Variants in SLC6A17 observed in about 807,000 individuals in gnomAD.
The protein encoded by SLC6A17 is solute carrier family 6 member 17.
In SLC6A17, 21 loss-of-function variants were observed where a neutral mutation model predicts 64.5. That is an observed-to-expected ratio of 0.33 (90% CI 0.23 to 0.47). The LOEUF (loss-of-function observed/expected upper bound fraction) is 0.47, where lower values mean the gene tolerates loss of function less well. SLC6A17 is among the 20% of genes least tolerant of loss of function. The probability of loss-of-function intolerance (pLI) is 1.00; values close to 1 mark genes in which losing one functional copy is unlikely to be tolerated. For missense variants in SLC6A17, 682 were observed against 963.2 expected, an observed-to-expected ratio of 0.71 and a Z score of 3.86; for synonymous variants, 372 against 399.5, an observed-to-expected ratio of 0.93 and a Z score of 0.82.
At chr1:110,197,199 C>T (rs1656992007) in intron 10 of SLC6A17, among the ~76,000 whole-genome samples, 1 of 152,170 alleles carries the variant, frequency 6.6e-6, no homozygotes, top group African/African-American at 2.4e-5. Flanking sequence ...GTCTGGTGGG[C>T]CCTATCATAT....
chr1:110,170,752 T>C (rs1656200571), intron 2 of SLC6A17, among the ~76,000 whole-genome samples: 1 of 152,066 alleles, frequency 6.6e-6, no homozygotes, highest in African/African-American at 2.4e-5. Context: ...GCTCGGTGGG[T>C]TGCCTCCCCG....
chr1:110,170,672 G>A (rs1437439874), intron 2 of SLC6A17, among the ~76,000 whole-genome samples: 2 of 152,192 alleles, frequency 1.3e-5, no homozygotes, highest in South Asian at 4.1e-4. Flanking sequence ...CCATGATGGG[G>A]CTGCTTGTTA....
chr1:110,192,841 G>C lies in SLC6A17; in HGVS notation c.1299+143G>C, dbSNP rs1171164191. The C allele has an allele frequency of 2.0e-6, 2 of 985,840 alleles. No individual in the cohort carries two copies. Among genetic ancestry groups the C allele is most frequent in the African/African-American group, 3.3e-5 (2 of 60,802 alleles). 61.1% of individuals were successfully genotyped at this position (985,840 alleles called of 1,614,324 possible). On this transcript the variant is annotated intron_variant, in intron 8 of 11. Transcript: ENST00000331565. The surrounding 1 kb of genome is among the most constrained non-coding windows in gnomAD (Gnocchi z 4.3). ...AGCAAGGATCTGCTGTGTGTCCAGA[G>C]GGAGTGAAAGGGAAGAAAGGTATTG... is the stretch of plus-strand genomic sequence containing the variant.
chr1:110,167,394 C>T (rs939893379), intron 2 of SLC6A17, among the ~76,000 whole-genome samples, 179 bp downstream of exon 2: 3 of 152,132 alleles, frequency 2.0e-5, no homozygotes, highest in Admixed American at 2.0e-4. Context: ...CAAGAGACTA[C>T]AGGACATGAT....
intron 6 of SLC6A17, among the ~76,000 whole-genome samples, chr1:110,179,011 C>T (rs952113270): frequency 6.6e-6 from 1 of 152,166 alleles, no homozygotes; most frequent in East Asian, 1.9e-4. Context: ...TACCTTTAAC[C>T]TTTACATAAA....
At chr1:110,167,243 G>A in intron 2 of SLC6A17, 28 bp downstream of exon 2, 3 of 1,592,204 alleles carry the variant, frequency 1.9e-6, no homozygotes, top group Non-Finnish European at 2.6e-6. Flanking sequence ...CTGCATCAGG[G>A]GTCCCCTGCA....
intron 1 of SLC6A17, among the ~76,000 whole-genome samples, chr1:110,154,038 C>T (rs1321471092): frequency 1.3e-5 from 2 of 152,170 alleles, no homozygotes; most frequent in African/African-American, 4.8e-5. Flanking sequence ...TAAGGAAATG[C>T]CTACTTTGCA....
At position 110,200,168 on chromosome 1, in the gene SLC6A17, T is replaced by C. The variant is rs1657085126; in HGVS notation, c.*1724T>C. 1 of 398,292 alleles carries C rather than the reference T, an allele frequency of 2.5e-6. No individual in the cohort carries two copies. Among genetic ancestry groups the C allele is most frequent in the South Asian group, 1.3e-4 (1 of 7,836 alleles). The allele number at this position is 398,292 out of a possible 1,614,324, so 24.7% of individuals were successfully genotyped here. On this transcript the variant is annotated 3_prime_UTR_variant, in exon 12 of 12. Transcript: ENST00000331565. ...AGACCAGAATCAGGGTCCCCTCCTTTACCCCTGAGTTCCTTACTGTTCCCC... is the reference window on the plus strand; with the variant it reads ...AGACCAGAATCAGGGTCCCCTCCTTCACCCCTGAGTTCCTTACTGTTCCCC...
At chr1:110,151,953 T>A (rs755977669) in intron 1 of SLC6A17, among the ~76,000 whole-genome samples, 37 of 152,176 alleles carry the variant, frequency 2.4e-4, no homozygotes, top group Non-Finnish European at 4.3e-4. Flanking sequence ...CCGGGCATTG[T>A]CCTTGTTAAC....
intron 5 of SLC6A17, among the ~76,000 whole-genome samples, chr1:110,175,296 G>T (rs750851112): frequency 1.3e-5 from 2 of 152,198 alleles, no homozygotes; most frequent in Non-Finnish European, 2.9e-5. Flanking sequence ...GTTCCCAAGA[G>T]CAAAAGCCCT....
At chr1:110,152,535 G>T (rs1420106752) in intron 1 of SLC6A17, among the ~76,000 whole-genome samples, 1 of 152,230 alleles carries the variant, frequency 6.6e-6, no homozygotes, top group Non-Finnish European at 1.5e-5. Context: ...GCTAAGCAGA[G>T]CTCTGGCTGT....
In SLC6A17 at chr1:110,150,761, C is replaced by T. The variant is rs1655574678; in HGVS notation, c.-210C>T. The T allele has an allele frequency of 1.3e-5, 2 of 152,322 alleles. No homozygotes were observed. Among genetic ancestry groups the T allele is most frequent in the Middle Eastern group, 6.8e-3 (2 of 294 alleles). 9.4% of individuals were successfully genotyped at this position (152,322 alleles called of 1,614,324 possible). On this transcript the variant is annotated 5_prime_UTR_variant, in exon 1 of 12. Coordinates refer to ENST00000331565, the MANE Select transcript of SLC6A17 (RefSeq NM_001010898.4). ...TGCGCCGGCGCGCAGCTCCGGGTCG[C>T]CCCAGCCCCAGCCGGGGGCCTGTGG...
At chr1:110,156,477 T>C (rs1455767112) in intron 1 of SLC6A17, among the ~76,000 whole-genome samples, 1 of 152,168 alleles carries the variant, frequency 6.6e-6, no homozygotes, top group Non-Finnish European at 1.5e-5. Context: ...TGTTATTTTC[T>C]GTGTCATGAC....
chr1:110,167,362 TATA>T, intron 2 of SLC6A17, 147 bp downstream of exon 2: 1 of 1,038,976 alleles, frequency 9.6e-7, no homozygotes, highest in East Asian at 2.6e-5. Flanking sequence ...CAGGAATAGC[TATA>T]ATGATGGTTA....
At position 110,194,783 on chromosome 1, in the gene SLC6A17, C is replaced by T. The variant is rs1234827340; in HGVS notation, c.1492+12C>T. Reference sequence around the variant, plus strand: ...GGAGATGTTCACAGGTAACTCCTCCCTGCCCCCATGCCCAGGCTCTGCAGG... The same window carrying T: ...GGAGATGTTCACAGGTAACTCCTCCTTGCCCCCATGCCCAGGCTCTGCAGG... On this transcript the variant is annotated intron_variant, in intron 9 of 11. Transcript: ENST00000331565. The T allele has an allele frequency of 4.3e-6, 7 of 1,610,852 alleles. No homozygotes were observed. Among genetic ancestry groups the T allele is most frequent in the Non-Finnish European group, 5.9e-6 (7 of 1,180,016 alleles).
intron 1 of SLC6A17, among the ~76,000 whole-genome samples, chr1:110,155,058 C>T (rs560617195): frequency 6.6e-6 from 1 of 152,320 alleles, no homozygotes; most frequent in African/African-American, 2.4e-5. Flanking sequence ...TGAAAAATCG[C>T]CATCCCCAGA....
At position 110,192,209 on chromosome 1, in the gene SLC6A17, G is replaced by A. The variant is rs1421708392; in HGVS notation, c.1102G>A (p.Val368Ile). The change falls in exon 7 of 12, where the codon GTC becomes ATC. Residue 368 changes from valine (V) to isoleucine (I), a missense_variant. Around this residue, in one of 3 missense-constraint regions of SLC6A17, gnomAD observed 415 missense variants for 603.8 expected, o/e 0.69. Transcript: ENST00000331565. This position sits in a 1 kb window ranked among gnomAD's most constrained non-coding sequence, Gnocchi z 4.3. ...KANIMNEKCV[V>I]ENAEKILGYL... ...CAACATCATGAATGAGAAGTGTGTG[G>A]TCGAGTAGGTGGCATCTCTCCTCCT... 6.2e-7 allele frequency: 1 copy of A among 1,607,648 alleles called. No individual in the cohort carries two copies. Among genetic ancestry groups the A allele is most frequent in the Non-Finnish European group, 8.5e-7 (1 of 1,175,016 alleles).
chr1:110,151,043 C>G (rs1655585633), intron 1 of SLC6A17, among the ~76,000 whole-genome samples, 160 bp downstream of exon 1: 1 of 152,240 alleles, frequency 6.6e-6, no homozygotes, highest in African/African-American at 2.4e-5. Flanking sequence ...CTCCTCTCGC[C>G]GCTCCAGCCG....
intron 6 of SLC6A17, among the ~76,000 whole-genome samples, chr1:110,186,746 G>A (rs1656695471): frequency 6.6e-6 from 1 of 152,160 alleles, no homozygotes; most frequent in South Asian, 2.1e-4. Flanking sequence ...AGAGGAGATG[G>A]GCTCCACCCC....
Sources: gnomAD v4.1 joint callset for allele counts (sites outside exome capture counted in the v4.1 genomes callset) on GRCh38, gnomAD v4.1.1 for gene constraint, gnomAD v4.1.1 regional missense constraint, Gnocchi (gnomAD v3.1) non-coding constraint, MANE v1.5 for transcripts, NCBI Gene and HGNC (gene_info 2026-07-23, HGNC 2026-07-21) for gene names.